Variants in DNAJB1 observed in about 807,000 individuals in gnomAD.
DNAJB1 encodes DnaJ heat shock protein family (Hsp40) member B1.
Under a neutral mutation model 24.0 loss-of-function variants are expected in DNAJB1, and 14 were observed. The ratio of observed to expected loss-of-function variants is 0.58; its 90% confidence interval spans 0.39 to 0.91. DNAJB1 has a LOEUF of 0.91. DNAJB1 is among the 40% of genes least tolerant of loss of function. The probability of loss-of-function intolerance (pLI) is 0.00; values close to 1 mark genes in which losing one functional copy is unlikely to be tolerated. For missense variants in DNAJB1, 517 were observed against 458.1 expected (o/e 1.13, Z -1.17); for synonymous variants, 262 against 174.4 (o/e 1.50, Z -3.96).
upstream of DNAJB1, among the ~76,000 whole-genome samples, chr19:14,550,964 A>G (rs79364256): frequency 2.8e-3 from 427 of 151,544 alleles, 4 homozygotes; most frequent in African/African-American, 9.9e-3. Context: ...GAACTACCAC[A>G]CCCGGCCGCT....
chr19:14,538,201 A>G (rs2072973189), intron 1 of DNAJB1, among the ~76,000 whole-genome samples: 1 of 152,228 alleles, frequency 6.6e-6, no homozygotes, highest in African/African-American at 2.4e-5. Flanking sequence ...GGATTCTTCT[A>G]GAACCAGAGT....
At chr19:14,534,346 G>A (rs1214583979), upstream of DNAJB1, among the ~76,000 whole-genome samples, 3 of 146,992 alleles carry the variant, frequency 2.0e-5, no homozygotes, top group East Asian at 4.0e-4. Flanking sequence ...GGATGGTCTC[G>A]ATCTCCTGAC....
At chr19:14,536,267 GTTTTT>G (rs201416657) in intron 1 of DNAJB1, among the ~76,000 whole-genome samples, 1 of 138,044 alleles carries the variant, frequency 7.2e-6, no homozygotes, top group Non-Finnish European at 1.6e-5. Flanking sequence ...TCTCGAGCTA[GTTTTT>G]TTTTTTTTTT....
chr19:14,527,165 C>CTTTTTTTTTTTTT lies in DNAJB1; in HGVS notation c.-90+548_-90+560dup, dbSNP rs369143149. Among the ~76,000 whole-genome samples, 32 of 41,306 alleles carry CTTTTTTTTTTTTT rather than the reference C, an allele frequency of 7.7e-4. 6 individuals carry two copies. Among genetic ancestry groups the CTTTTTTTTTTTTT allele is most frequent in the East Asian group, 1.0e-3 (1 of 976 alleles). The allele number at this position is 41,306 out of a possible 152,430, so 27.1% of individuals were successfully genotyped here. A position where few individuals can be genotyped will look rare whatever the true frequency, so the allele number is the denominator to read the frequency against. ...AACTGCCACCAGAAAAATATCTCTG[C>CTTTTTTTTTTTTT]TTTTTTTTTTTTTTTTTTTTTTTTT... is the stretch of plus-strand genomic sequence containing the variant. On this transcript the variant is annotated intron_variant, in intron 2 of 3. Coordinates refer to the DNAJB1 transcript ENST00000396969.
chr19:14,543,234 TG>T (rs1316834398), intron 1 of DNAJB1, among the ~76,000 whole-genome samples: 1 of 138,956 alleles, frequency 7.2e-6, no homozygotes, highest in East Asian at 2.1e-4. Context: ...GGCAGATGGG[TG>T]GAGCTGCTGA....
rs759769250 is a variant in DNAJB1 at position 14,516,094 on chromosome 19, C to T, written c.869G>A (p.Arg290Lys). The T allele has an allele frequency of 4.5e-5, 72 of 1,613,762 alleles. No homozygotes were observed. Among genetic ancestry groups the T allele is most frequent in the Non-Finnish European group, 6.0e-5 (71 of 1,179,948 alleles). Residue 290 changes from arginine to lysine, a missense_variant, in exon 3 of 3, where the codon AGG (arginine) becomes AAG (lysine). Transcript: ENST00000254322. ...TIPVVFKDVI[R>K]PGMRRKVPGE... ...AGGAACTTTTCGCCGCATGCCAGGC[C>T]TGATAACATCTTTGAATACGACGGG...
intron 2 of DNAJB1, among the ~76,000 whole-genome samples, chr19:14,523,398 T>TC (rs1198843245): frequency 6.6e-6 from 1 of 151,108 alleles, no homozygotes; most frequent in Non-Finnish European, 1.5e-5. Context: ...CACTGCAACT[T>TC]CCGCCTCCTG....
At position 14,546,352 on chromosome 19, in the gene DNAJB1, T is replaced by C. The variant is rs149646429; in HGVS notation, c.-214+3856A>G. 5.3e-3 allele frequency among the ~76,000 whole-genome samples: 801 copies of C among 152,072 alleles called. 5 individuals carry two copies. The highest frequency in any genetic ancestry group is 0.019 in the African/African-American group (780 of 41,484). On this transcript the variant is annotated intron_variant, in intron 1 of 3. Coordinates refer to the DNAJB1 transcript ENST00000676982. ...CTGTAATTTCAGCACTTTGGAAGGC[T>C]GAGGTGGGCGGATCACTTGAGGTCA...
upstream of DNAJB1, among the ~76,000 whole-genome samples, chr19:14,520,236 G>C (rs1467613604): frequency 6.6e-6 from 1 of 152,144 alleles, no homozygotes; most frequent in Non-Finnish European, 1.5e-5. Flanking sequence ...CTTAGTGGTG[G>C]GCTCTTCAGC....
intron 1 of DNAJB1, among the ~76,000 whole-genome samples, chr19:14,537,695 T>C (rs904586653): frequency 2.5e-4 from 38 of 152,162 alleles, no homozygotes; most frequent in African/African-American, 7.7e-4. Flanking sequence ...AGCCAGAATA[T>C]AGTAATCTTC....
intron 2 of DNAJB1, among the ~76,000 whole-genome samples, chr19:14,524,840 G>A (rs1458896047): frequency 2.8e-5 from 1 of 35,494 alleles, no homozygotes; most frequent in East Asian, 2.8e-4. Context: ...AGCGAGACTC[G>A]TTCTCAAAAA....
intron 1 of DNAJB1, among the ~76,000 whole-genome samples, chr19:14,537,744 G>GTTTTTTTTTT (rs533380690): frequency 7.9e-6 from 1 of 126,274 alleles, no homozygotes. Context: ...AATTATCAGT[G>GTTTTTTTTTT]TTTTTTTTTT....
At chr19:14,518,407 C>T, upstream of DNAJB1, 13 of 1,472,340 alleles carry the variant, frequency 8.8e-6, no homozygotes, top group South Asian at 1.6e-4. Context: ...CGCCGCCGAC[C>T]AGTCCCGGAC....
At position 14,516,121 on chromosome 19, in the gene DNAJB1, A is replaced by G. The variant is rs1312725509; in HGVS notation, c.842T>C (p.Ile281Thr). 6.2e-7 allele frequency: 1 copy of G among 1,613,636 alleles called. No homozygotes were observed. The highest frequency in any genetic ancestry group is 8.5e-7 in the Non-Finnish European group (1 of 1,179,908). ...VNVPTLDGRT[I>T]PVVFKDVIRP... ...GATAACATCTTTGAATACGACGGGT[A>G]TCGTCCTGCCGTCCAGAGTGGGGAC... The change falls in exon 3 of 3, where the codon ATA (isoleucine) becomes ACA (threonine). Residue 281 changes from isoleucine to threonine, a missense_variant. By Grantham distance (89) the Ile-to-Thr change is moderately conservative. Transcript: ENST00000254322.
chr19:14,518,306 G>A lies in DNAJB1; in HGVS notation c.44C>T (p.Ala15Val), dbSNP rs2072313339. Reference protein sequence around the residue: ...YYQTLGLARGASDEEIKRAYR... With the variant: ...YYQTLGLARGVSDEEIKRAYR... Reference sequence around the variant, plus strand: ...GGCCCGCTTGATCTCCTCGTCCGACGCGCCGCGGGCCAGGCCCAACGTCTG... The same window carrying A: ...GGCCCGCTTGATCTCCTCGTCCGACACGCCGCGGGCCAGGCCCAACGTCTG... The change falls in exon 1 of 3, where the codon GCG becomes GTG. Residue 15 changes from alanine to valine, a missense_variant. Physicochemically the swap from Ala to Val is moderately conservative, Grantham distance 64. Transcript: ENST00000254322. The A allele has an allele frequency of 2.5e-6, 4 of 1,607,430 alleles. No homozygotes were observed. Among genetic ancestry groups the A allele is most frequent in the Non-Finnish European group, 3.4e-6 (4 of 1,178,594 alleles).
chr19:14,534,281 T>C (rs572284277), upstream of DNAJB1, among the ~76,000 whole-genome samples: 3 of 142,030 alleles, frequency 2.1e-5, no homozygotes, highest in South Asian at 4.4e-4. Flanking sequence ...CCTGCCACCA[T>C]GCCTGGCTAA....
chr19:14,543,957 C>T (rs1380915707), intron 1 of DNAJB1, among the ~76,000 whole-genome samples: 7 of 151,696 alleles, frequency 4.6e-5, no homozygotes, highest in African/African-American at 1.2e-4. Context: ...AGGCAGGTCT[C>T]GAACTCCTGA....
chr19:14,528,666 G>T (rs1246518660), intron 1 of DNAJB1, among the ~76,000 whole-genome samples: 1 of 152,014 alleles, frequency 6.6e-6, no homozygotes, highest in Non-Finnish European at 1.5e-5. Context: ...GGGGCCGGGC[G>T]GGGTGGCTCA....
At chr19:14,542,356 T>TTTTTTTTTG (rs2073129712) in intron 1 of DNAJB1, among the ~76,000 whole-genome samples, 1 of 121,924 alleles carries the variant, frequency 8.2e-6, no homozygotes, top group Non-Finnish European at 1.7e-5. Flanking sequence ...TGTTTTTTTT[T>TTTTTTTTTG]TTTTTTTTTT....
Sources: allele counts gnomAD v4.1 joint callset (sites outside exome capture counted in the v4.1 genomes callset), GRCh38; gene constraint gnomAD v4.1.1; transcripts MANE v1.5; gene names NCBI Gene and HGNC (gene_info 2026-07-23, HGNC 2026-07-21).